DCC: variants seen among roughly 807,000 people sequenced by gnomAD.
DCC encodes the protein netrin receptor DCC.
A neutral mutation model predicts 172.5 loss-of-function variants in DCC; 58 were observed. The ratio of observed to expected loss-of-function variants is 0.34; its 90% CI spans 0.27 to 0.42. The LOEUF (loss-of-function observed/expected upper bound fraction) is 0.42, where lower values mean the gene tolerates loss of function less well. Ranked by LOEUF, DCC falls within the 10% of genes least tolerant of loss-of-function variation. The pLI is 1.00. For synonymous variants in DCC, 709 were observed against 644.5 expected (o/e 1.10, Z -1.52); for missense variants, 1,740 against 1,791.0 (o/e 0.97, Z 0.51).
chr18:52,691,328 A>G (rs1372008428), intron 1 of DCC, among the ~76,000 whole-genome samples: 2 of 152,142 alleles, frequency 1.3e-5, no homozygotes, highest in African/African-American at 2.4e-5. Context: ...GTTTGCTTCT[A>G]TGACCCTCTG....
intron 7 of DCC, 131 bp downstream of exon 7, chr18:53,066,297 G>T (rs2042565755): frequency 1.3e-6 from 1 of 743,680 alleles, no homozygotes. Context: ...TAATTAAGGT[G>T]TATACTTGTG....
intron 1 of DCC, among the ~76,000 whole-genome samples, chr18:52,718,769 A>G (rs1314021328): frequency 1.3e-5 from 2 of 152,188 alleles, no homozygotes; most frequent in Non-Finnish European, 2.9e-5. Flanking sequence ...TTTATAGACA[A>G]TGTTTATTAA....
intron 5 of DCC, among the ~76,000 whole-genome samples, chr18:53,004,872 C>T (rs1237087619): frequency 6.6e-6 from 1 of 152,154 alleles, no homozygotes; most frequent in Non-Finnish European, 1.5e-5. Flanking sequence ...ATGTACTCTC[C>T]AAAGTTCATA....
intron 1 of DCC, among the ~76,000 whole-genome samples, chr18:52,570,878 T>C (rs374992672): frequency 7.2e-5 from 11 of 152,300 alleles, no homozygotes; most frequent in African/African-American, 2.6e-4. Context: ...GTATCATTGT[T>C]TTATTAATTT....
intron 12 of DCC, among the ~76,000 whole-genome samples, chr18:53,232,586 C>T (rs1304582817): frequency 6.6e-6 from 1 of 152,164 alleles, no homozygotes; most frequent in Non-Finnish European, 1.5e-5. Context: ...AACCCCACTG[C>T]TACAACCTCT....
intron 7 of DCC, among the ~76,000 whole-genome samples, chr18:53,139,449 A>C (rs367803191): frequency 6.6e-6 from 1 of 152,200 alleles, no homozygotes; most frequent in Non-Finnish European, 1.5e-5. Flanking sequence ...TAAAACTGGA[A>C]TTAGTAGTTA....
intron 1 of DCC, among the ~76,000 whole-genome samples, chr18:52,455,834 G>A (rs1273376237): frequency 6.6e-6 from 1 of 152,138 alleles, no homozygotes; most frequent in Admixed American, 6.6e-5. Context: ...TCCAATGAAT[G>A]TTAGCAAAGG....
At chr18:53,499,013 G>A (rs768298411) in intron 26 of DCC, among the ~76,000 whole-genome samples, 8 of 152,046 alleles carry the variant, frequency 5.3e-5, no homozygotes, top group Non-Finnish European at 8.8e-5. Context: ...ATGATTAGAG[G>A]GCCCAGACAG....
At chr18:53,279,806 C>G (rs6508215) in intron 12 of DCC, among the ~76,000 whole-genome samples, 13,854 of 151,980 alleles carry the variant, frequency 0.091, 2,059 homozygotes, top group African/African-American at 0.31. Context: ...GAGCTGGAAG[C>G]CAAAATCCTG....
At chr18:52,634,679 C>T (rs934897121) in intron 1 of DCC, among the ~76,000 whole-genome samples, 1 of 152,132 alleles carries the variant, frequency 6.6e-6, no homozygotes, top group Non-Finnish European at 1.5e-5. Context: ...TTTTATTTAA[C>T]AGTATAACTT....
At chr18:53,351,238 G>T (rs1568074344) in intron 15 of DCC, among the ~76,000 whole-genome samples, 1 of 133,506 alleles carries the variant, frequency 7.5e-6, no homozygotes, top group Admixed American at 8.0e-5. Context: ...AAAGATACTA[G>T]TATTGTATAT....
chr18:52,840,803 A>G (rs1314821774), intron 2 of DCC, among the ~76,000 whole-genome samples: 6 of 152,222 alleles, frequency 3.9e-5, no homozygotes, highest in Non-Finnish European at 5.9e-5. Context: ...CTTGTCCAAC[A>G]TCTGCAATGT....
intron 21 of DCC, among the ~76,000 whole-genome samples, chr18:53,432,543 G>T (rs983605481): frequency 6.6e-6 from 1 of 151,964 alleles, no homozygotes. Flanking sequence ...TCTCTTTCTC[G>T]AAATCAGTGC....
At chr18:52,618,592 C>T (rs1030303629) in intron 1 of DCC, among the ~76,000 whole-genome samples, 2 of 152,168 alleles carry the variant, frequency 1.3e-5, no homozygotes, top group African/African-American at 4.8e-5. Context: ...TCCAACATTA[C>T]TCAAATGACA....
chr18:53,351,350 C>CTTTGTATATATAT (rs1568074833), intron 15 of DCC, among the ~76,000 whole-genome samples: 1 of 41,982 alleles, frequency 2.4e-5, no homozygotes, highest in Non-Finnish European at 5.4e-5. Flanking sequence ...TATATATATA[C>CTTTGTATATATAT]ACAGTATATA....
At chr18:52,371,153 AT>A (rs1487902088) in intron 1 of DCC, among the ~76,000 whole-genome samples, 12 of 106,102 alleles carry the variant, frequency 1.1e-4, no homozygotes, top group Admixed American at 4.8e-4. Flanking sequence ...CTTTTGGCTG[AT>A]TTAAAAAAAA....
chr18:53,237,781 A>G (rs2056228186), intron 12 of DCC, among the ~76,000 whole-genome samples: 1 of 152,182 alleles, frequency 6.6e-6, no homozygotes, highest in Non-Finnish European at 1.5e-5. Flanking sequence ...TTAAATAAAA[A>G]TAACATTTAT....
chr18:53,105,691 G>A (rs889960506), intron 7 of DCC, among the ~76,000 whole-genome samples: 1 of 151,838 alleles, frequency 6.6e-6, no homozygotes, highest in Non-Finnish European at 1.5e-5. Flanking sequence ...TTTCATTTAT[G>A]CTTTGCTGTC....
At chr18:52,623,509 T>C (rs2034519157) in intron 1 of DCC, among the ~76,000 whole-genome samples, 1 of 152,312 alleles carries the variant, frequency 6.6e-6, no homozygotes, top group Admixed American at 6.5e-5. Flanking sequence ...TATAATTGTC[T>C]ATTTATTGCT....
Sources: allele counts gnomAD v4.1 joint callset (sites outside exome capture counted in the v4.1 genomes callset), GRCh38; gene constraint gnomAD v4.1.1; transcripts MANE v1.5; gene names NCBI Gene and HGNC (gene_info 2026-07-23, HGNC 2026-07-21).